The following MGAT4C variants were observed in gnomAD, a reference collection of about 807,000 sequenced individuals.
The protein encoded by MGAT4C is alpha-1,3-mannosyl-glycoprotein 4-beta-N-acetylglucosaminyltransferase C.
In MGAT4C, 19 loss-of-function variants were observed where a neutral mutation model predicts 40.1. The observed-to-expected ratio is 0.47, with a 90% CI of 0.33 to 0.70. The LOEUF (loss-of-function observed/expected upper bound fraction) is 0.70, where lower values mean the gene tolerates loss of function less well. Among genes scored for constraint, MGAT4C ranks in the 30% least tolerant of loss-of-function variants. The pLI is 0.02. For synonymous variants in MGAT4C, 181 were observed against 187.1 expected (o/e 0.97, Z 0.27); for missense variants, 491 against 563.2 (o/e 0.87, Z 1.30).
chr12:86,816,163 T>G (rs1258810144), intron 1 of MGAT4C, among the ~76,000 whole-genome samples: 1 of 151,926 alleles, frequency 6.6e-6, no homozygotes, highest in African/African-American at 2.4e-5. Context: ...CATGATATAT[T>G]TTTGCAGGTT....
At chr12:86,404,981 T>A (rs1956435994) in intron 3 of MGAT4C, among the ~76,000 whole-genome samples, 1 of 152,036 alleles carries the variant, frequency 6.6e-6, no homozygotes, top group Non-Finnish European at 1.5e-5. Context: ...TAGGTTTAAT[T>A]TTCCTTTAAA....
At chr12:86,551,563 G>C (rs1959363198) in intron 2 of MGAT4C, among the ~76,000 whole-genome samples, 1 of 152,150 alleles carries the variant, frequency 6.6e-6, no homozygotes, top group Non-Finnish European at 1.5e-5. Flanking sequence ...TACATCCAAA[G>C]CCTGATAAAC....
At chr12:86,218,690 G>A (rs1472624969) in intron 1 of MGAT4C, among the ~76,000 whole-genome samples, 1 of 152,026 alleles carries the variant, frequency 6.6e-6, no homozygotes, top group Non-Finnish European at 1.5e-5. Context: ...CCAATTTCAA[G>A]CAGAACAAGA....
intron 2 of MGAT4C, among the ~76,000 whole-genome samples, chr12:86,587,509 G>C (rs1284792176): frequency 6.6e-6 from 1 of 151,774 alleles, no homozygotes; most frequent in Non-Finnish European, 1.5e-5. Flanking sequence ...AGCTTGATGG[G>C]GATGGCATTG....
chr12:86,553,164 A>G (rs1033417527), intron 2 of MGAT4C, among the ~76,000 whole-genome samples: 2 of 152,146 alleles, frequency 1.3e-5, no homozygotes, highest in Admixed American at 1.3e-4. Context: ...ATACATGGCA[A>G]TAAAGTTGCA....
At chr12:86,803,796 G>A (rs1402931073) in intron 1 of MGAT4C, among the ~76,000 whole-genome samples, 193 of 149,928 alleles carry the variant, frequency 1.3e-3, no homozygotes, top group Middle Eastern at 3.2e-3. Context: ...GGAGAAATAG[G>A]AACACTTTTA....
At chr12:86,337,547 T>A (rs962912963) in intron 3 of MGAT4C, among the ~76,000 whole-genome samples, 1 of 148,002 alleles carries the variant, frequency 6.8e-6, no homozygotes, top group African/African-American at 2.5e-5. Context: ...GATAGTGCCA[T>A]TGCACTCCAG....
chr12:86,508,002 T>C (rs1315081289), intron 2 of MGAT4C, among the ~76,000 whole-genome samples: 1 of 152,118 alleles, frequency 6.6e-6, no homozygotes, highest in East Asian at 1.9e-4. Flanking sequence ...TTTGTTAGTA[T>C]GGACATTTTA....
intron 3 of MGAT4C, among the ~76,000 whole-genome samples, chr12:86,433,675 G>A (rs1330234502): frequency 6.6e-6 from 1 of 151,874 alleles, no homozygotes; most frequent in Non-Finnish European, 1.5e-5. Context: ...GGGTTGAATT[G>A]AATGCATGCA....
At chr12:86,656,258 T>C (rs1016136716) in intron 2 of MGAT4C, among the ~76,000 whole-genome samples, 2 of 152,022 alleles carry the variant, frequency 1.3e-5, no homozygotes, top group Admixed American at 6.6e-5. Flanking sequence ...TATGTATATA[T>C]ACTTTTGGAA....
intron 1 of MGAT4C, among the ~76,000 whole-genome samples, chr12:86,203,969 A>G (rs1950150918): frequency 7.6e-6 from 1 of 132,382 alleles, no homozygotes; most frequent in East Asian, 1.9e-4. Context: ...AAAAAAAAAA[A>G]AAAGAAATAT....
chr12:86,582,518 C>G (rs1019838174), intron 2 of MGAT4C, among the ~76,000 whole-genome samples: 2 of 151,254 alleles, frequency 1.3e-5, no homozygotes, highest in African/African-American at 4.8e-5. Flanking sequence ...AAATGGGTAA[C>G]AGTTGGAAGG....
chr12:86,768,869 A>G (rs1951569993), intron 1 of MGAT4C, among the ~76,000 whole-genome samples: 2 of 152,116 alleles, frequency 1.3e-5, no homozygotes, highest in Non-Finnish European at 2.9e-5. Context: ...AAATTAATTC[A>G]AGATGGATTA....
chr12:86,116,011 T>C (rs926744483), intron 1 of MGAT4C, among the ~76,000 whole-genome samples: 5 of 152,006 alleles, frequency 3.3e-5, no homozygotes, highest in Non-Finnish European at 5.9e-5. Context: ...CCCATAACAG[T>C]AGCCACATGA....
intron 2 of MGAT4C, among the ~76,000 whole-genome samples, chr12:86,492,349 AGC>A (rs1292589780): frequency 6.6e-6 from 1 of 152,196 alleles, no homozygotes; most frequent in African/African-American, 2.4e-5. Context: ...GTCAATCCTA[AGC>A]CAAAAGAACA....
At chr12:86,744,969 C>A (rs966134808) in intron 1 of MGAT4C, 28 of 151,522 alleles carry the variant, frequency 1.8e-4, no homozygotes, top group African/African-American at 5.8e-4. Flanking sequence ...AACCATGATG[C>A]AAATCCGTTC....
At chr12:86,443,694 C>A (rs1157230201) in intron 2 of MGAT4C, among the ~76,000 whole-genome samples, 2 of 152,112 alleles carry the variant, frequency 1.3e-5, no homozygotes, top group African/African-American at 4.8e-5. Context: ...CTTGGGTTCA[C>A]ACCATTCTCC....
chr12:86,558,902 T>C (rs1302606204), intron 2 of MGAT4C, among the ~76,000 whole-genome samples: 1 of 151,862 alleles, frequency 6.6e-6, no homozygotes, highest in East Asian at 1.9e-4. Context: ...ACAAATCCAA[T>C]TTTTCACTTA....
chr12:86,504,333 T>C (rs145697071), intron 2 of MGAT4C, among the ~76,000 whole-genome samples: 1 of 152,260 alleles, frequency 6.6e-6, no homozygotes, highest in East Asian at 1.9e-4. Flanking sequence ...TAAAGACATG[T>C]GCTAGAATAT....
Sources: gnomAD v4.1 joint callset for allele counts (sites outside exome capture counted in the v4.1 genomes callset) on GRCh38, gnomAD v4.1.1 for gene constraint, MANE v1.5 for transcripts, NCBI Gene and HGNC (gene_info 2026-07-23, HGNC 2026-07-21) for gene names.